Variants in DSE observed in about 807,000 individuals in gnomAD.
DSE encodes the protein dermatan sulfate epimerase.
DSE carries 36 observed loss-of-function variants against 84.4 expected under a neutral mutation model. The observed-to-expected ratio is 0.43, with a 90% confidence interval of 0.33 to 0.56. DSE has a LOEUF of 0.56. Ranked by LOEUF, DSE falls within the 20% of genes least tolerant of loss-of-function variation. The pLI, the probability that DSE is intolerant of heterozygous loss-of-function variation, is 0.06. For synonymous variants in DSE, 410 were observed against 430.1 expected (o/e 0.95, Z 0.58); for missense variants, 862 against 1,169.6 (o/e 0.74, Z 3.84).
chr6:116,416,349 C>CTGTGTGTGTGTGTGTG (rs59237926), intron 2 of DSE, among the ~76,000 whole-genome samples: 22 of 134,042 alleles, frequency 1.6e-4, no homozygotes, highest in African/African-American at 3.9e-4. Flanking sequence ...CTAATTGCCA[C>CTGTGTGTGTGTGTGTG]TGTGTGTGTG....
intron 2 of DSE, among the ~76,000 whole-genome samples, chr6:116,360,705 C>G (rs1186366086): frequency 6.6e-6 from 1 of 152,186 alleles, no homozygotes; most frequent in Non-Finnish European, 1.5e-5. Context: ...CTTTTAATAA[C>G]TTTCCTATTA....
intron 2 of DSE, among the ~76,000 whole-genome samples, chr6:116,356,886 G>A (rs1489138933): frequency 6.6e-6 from 1 of 152,154 alleles, no homozygotes; most frequent in Non-Finnish European, 1.5e-5. Flanking sequence ...CTGCTCACCA[G>A]ATTCTGTTTG....
chr6:116,275,661 G>T (rs545796088), intron 2 of DSE, among the ~76,000 whole-genome samples: 15 of 152,240 alleles, frequency 9.9e-5, no homozygotes, highest in African/African-American at 3.6e-4. Context: ...TTAGCCGGGC[G>T]TGGTAGCACG....
chr6:116,313,796 CT>C (rs1775825225), intron 2 of DSE, among the ~76,000 whole-genome samples: 1 of 152,078 alleles, frequency 6.6e-6, no homozygotes, highest in South Asian at 2.1e-4. Context: ...CAGATTTTAA[CT>C]TTTTTGGTTT....
At chr6:116,359,762 T>C (rs1220853763) in intron 2 of DSE, among the ~76,000 whole-genome samples, 1 of 152,234 alleles carries the variant, frequency 6.6e-6, no homozygotes, top group East Asian at 1.9e-4. Context: ...TAGGAATCTA[T>C]AATACTTCCA....
intron 2 of DSE, among the ~76,000 whole-genome samples, chr6:116,269,987 T>TGAA (rs77292416): frequency 0.22 from 33,597 of 151,830 alleles, 3,836 homozygotes; most frequent in East Asian, 0.28. Flanking sequence ...GATATAAAGA[T>TGAA]GAAGAAGACA....
At chr6:116,275,203 C>T (rs1366064053) in intron 2 of DSE, among the ~76,000 whole-genome samples, 1 of 152,212 alleles carries the variant, frequency 6.6e-6, no homozygotes, top group African/African-American at 2.4e-5. Context: ...GGACAACACA[C>T]ATCTAGAGTC....
chr6:116,287,707 G>T (rs1774009259), intron 2 of DSE, among the ~76,000 whole-genome samples: 1 of 152,020 alleles, frequency 6.6e-6, no homozygotes, highest in South Asian at 2.1e-4. Flanking sequence ...TGGATAGTAT[G>T]ATATCTAGCA....
At chr6:116,431,296 G>A in intron 4 of DSE, 103 bp downstream of exon 4, 1 of 1,427,078 alleles carries the variant, frequency 7.0e-7, no homozygotes, top group Admixed American at 2.4e-5. Flanking sequence ...CTTAGAGTTT[G>A]TCATATTGAA....
intron 2 of DSE, among the ~76,000 whole-genome samples, chr6:116,331,752 A>G (rs1776953515): frequency 6.6e-6 from 1 of 152,142 alleles, no homozygotes; most frequent in African/African-American, 2.4e-5. Context: ...AAGTCAGGGA[A>G]TCGAGACCAT....
At chr6:116,433,823 G>A (rs1783992807) in intron 5 of DSE, among the ~76,000 whole-genome samples, 1 of 152,122 alleles carries the variant, frequency 6.6e-6, no homozygotes, top group African/African-American at 2.4e-5. Context: ...AATAGGTAGT[G>A]TTAGAAACAT....
At chr6:116,432,922 C>G (rs765679430) in intron 4 of DSE, 7 of 176,058 alleles carry the variant, frequency 4.0e-5, no homozygotes, top group Non-Finnish European at 8.5e-5. Flanking sequence ...CAAACTGAAG[C>G]ATGTTATTTT....
At chr6:116,415,395 AT>A (rs1782634982) in intron 2 of DSE, among the ~76,000 whole-genome samples, 1 of 152,156 alleles carries the variant, frequency 6.6e-6, no homozygotes, top group South Asian at 2.1e-4. Context: ...GTGTTTTGAA[AT>A]TACGGGATGA....
chr6:116,368,208 G>T (rs1779271186), upstream of DSE, among the ~76,000 whole-genome samples: 1 of 152,106 alleles, frequency 6.6e-6, no homozygotes, highest in Admixed American at 6.5e-5. Flanking sequence ...TCTTACAAAA[G>T]TGCCACGTAC....
intron 2 of DSE, among the ~76,000 whole-genome samples, chr6:116,362,410 T>C (rs1778952378): frequency 6.6e-6 from 1 of 152,174 alleles, no homozygotes; most frequent in South Asian, 2.1e-4. Context: ...CAACCCCCAA[T>C]GTGACCATAT....
intron 2 of DSE, among the ~76,000 whole-genome samples, chr6:116,422,677 A>AAAC (rs879556558): frequency 2.1e-4 from 32 of 152,330 alleles, no homozygotes; most frequent in South Asian, 2.1e-3. Flanking sequence ...TTTAAAAATT[A>AAAC]AACAACAACA....
chr6:116,386,095 A>G (rs1156749792), intron 1 of DSE, among the ~76,000 whole-genome samples: 2 of 152,230 alleles, frequency 1.3e-5, no homozygotes, highest in Non-Finnish European at 2.9e-5. Flanking sequence ...CTTTTAAAAA[A>G]TGTGTCAGTC....
chr6:116,324,858 T>G (rs913470362), intron 2 of DSE, among the ~76,000 whole-genome samples: 1 of 152,200 alleles, frequency 6.6e-6, no homozygotes, highest in Non-Finnish European at 1.5e-5. Context: ...TGCAGTCCAT[T>G]TCTGCCTGTG....
At chr6:116,390,831 C>G (rs1418515028) in intron 1 of DSE, among the ~76,000 whole-genome samples, 1 of 152,136 alleles carries the variant, frequency 6.6e-6, no homozygotes, top group African/African-American at 2.4e-5. Flanking sequence ...GTATCTCTAC[C>G]CTCGTTTCCC....
Sources: gnomAD v4.1 joint callset for allele counts (sites outside exome capture counted in the v4.1 genomes callset) on GRCh38, gnomAD v4.1.1 for gene constraint, MANE v1.5 for transcripts, NCBI Gene and HGNC (gene_info 2026-07-23, HGNC 2026-07-21) for gene names.